The following MAP4K4 variants were observed in gnomAD, a reference collection of about 807,000 sequenced individuals.
MAP4K4 encodes HPK/GCK-like kinase HGK.
Under a neutral mutation model 189.6 loss-of-function variants are expected in MAP4K4, and 38 were observed. The ratio of observed to expected loss-of-function variants is 0.20; its 90% CI spans 0.15 to 0.26. The LOEUF (loss-of-function observed/expected upper bound fraction) is 0.26, where lower values mean the gene tolerates loss of function less well. Among genes scored for constraint, MAP4K4 ranks in the 10% least tolerant of loss-of-function variants. The pLI is 1.00. For synonymous variants in MAP4K4, 610 were observed against 624.3 expected (o/e 0.98, Z 0.34); for missense variants, 1,054 against 1,726.9 (o/e 0.61, Z 6.91).
intron 2 of MAP4K4, among the ~76,000 whole-genome samples, chr2:101,741,718 T>G (rs978515004): frequency 2.0e-5 from 3 of 152,240 alleles, no homozygotes; most frequent in Non-Finnish European, 2.9e-5. Flanking sequence ...TGAGGACGAC[T>G]GGTTTAGTTT....
chr2:101,766,498 T>G (rs1225207643), intron 2 of MAP4K4, among the ~76,000 whole-genome samples: 2 of 152,152 alleles, frequency 1.3e-5, no homozygotes, highest in Non-Finnish European at 2.9e-5. Flanking sequence ...AAAAGTGACT[T>G]CATGCAATAT....
intron 16 of MAP4K4, 161 bp downstream of exon 16, chr2:101,861,147 T>C: frequency 1.6e-6 from 1 of 610,646 alleles, no homozygotes; most frequent in Non-Finnish European, 2.8e-6. Context: ...ACTCAGTTGA[T>C]AGGGAAATAT....
chr2:101,720,252 C>T (rs1215118096), intron 2 of MAP4K4, among the ~76,000 whole-genome samples: 2 of 149,600 alleles, frequency 1.3e-5, no homozygotes, highest in Non-Finnish European at 3.0e-5. Context: ...CGGCTTGCTG[C>T]AACTTCCACC....
rs13417916 is a variant in MAP4K4, at chr2:101,784,765, A to G, written c.124-5955A>G. ...TATATCTATTAAAATGTTATAGAAT[A>G]GTATACTTGGCAGTTCCTATGTAAG... On this transcript the variant is annotated intron_variant, in intron 2 of 32. Coordinates refer to ENST00000324219, the Ensembl canonical transcript of MAP4K4. Among the ~76,000 whole-genome samples the G allele has an allele frequency of 1.9e-3, 293 of 152,316 alleles. 1 individual carries two copies. The highest frequency in any genetic ancestry group is 6.9e-3 in the African/African-American group (285 of 41,550).
chr2:101,886,664 A>C (rs1184969310), intron 29 of MAP4K4, among the ~76,000 whole-genome samples: 2 of 152,152 alleles, frequency 1.3e-5, no homozygotes, highest in African/African-American at 2.4e-5. Context: ...TTTGTAGAGT[A>C]TTGTTGCCTT....
chr2:101,851,402 G>A (rs998269416), intron 12 of MAP4K4, among the ~76,000 whole-genome samples: 2 of 152,078 alleles, frequency 1.3e-5, no homozygotes, highest in African/African-American at 4.8e-5. Context: ...AAAATTCCCT[G>A]GGCTTTGTTA....
chr2:101,844,355 C>T, intron 12 of MAP4K4, 44 bp downstream of exon 12: 2 of 1,507,952 alleles, frequency 1.3e-6, no homozygotes, highest in Non-Finnish European at 1.8e-6. Context: ...TTTTCTCTTT[C>T]TGCATTTACA....
chr2:101,823,635 A>G (rs1204168380), intron 3 of MAP4K4, among the ~76,000 whole-genome samples: 1 of 152,178 alleles, frequency 6.6e-6, no homozygotes, highest in Non-Finnish European at 1.5e-5. Flanking sequence ...AGTGGAGTGC[A>G]TTGCCCGAGG....
exon 1 of MAP4K4, chr2:101,697,983 C>T: frequency 2.4e-6 from 2 of 836,766 alleles, no homozygotes; most frequent in Non-Finnish European, 3.2e-6. Context: ...GCTCGGCTGC[C>T]GCGCGAGGAG....
intron 20 of MAP4K4, 158 bp from the exon 21 acceptor site, chr2:101,867,871 C>A: frequency 1.4e-6 from 1 of 690,524 alleles, no homozygotes; most frequent in Non-Finnish European, 2.6e-6. Context: ...TAATTGTGCA[C>A]GCTTTGTGGA....
intron 3 of MAP4K4, among the ~76,000 whole-genome samples, chr2:101,799,402 A>C (rs1294125360): frequency 6.6e-6 from 1 of 152,034 alleles, no homozygotes; most frequent in African/African-American, 2.4e-5. Flanking sequence ...CTCCTCAGCC[A>C]CTTACTCAAA....
At chr2:101,783,714 A>G (rs1007203640) in intron 2 of MAP4K4, among the ~76,000 whole-genome samples, 1 of 152,246 alleles carries the variant, frequency 6.6e-6, no homozygotes, top group African/African-American at 2.4e-5. Flanking sequence ...TAAAAAGTCA[A>G]CGAACAAATA....
intron 3 of MAP4K4, among the ~76,000 whole-genome samples, chr2:101,811,203 C>G (rs1408865504): frequency 6.6e-6 from 1 of 151,420 alleles, no homozygotes; most frequent in Non-Finnish European, 1.5e-5. Flanking sequence ...GAAACCCGGT[C>G]TCTACAAAAA....
At chr2:101,732,820 C>T (rs1376910865) in intron 2 of MAP4K4, among the ~76,000 whole-genome samples, 1 of 152,230 alleles carries the variant, frequency 6.6e-6, no homozygotes, top group African/African-American at 2.4e-5. Flanking sequence ...ATCTCTTGAC[C>T]TCGTGATCCG....
At chr2:101,763,077 C>T (rs2077157975) in intron 2 of MAP4K4, among the ~76,000 whole-genome samples, 1 of 152,184 alleles carries the variant, frequency 6.6e-6, no homozygotes, top group Admixed American at 6.5e-5. Flanking sequence ...GACCTCTGCT[C>T]TACTGCTCCT....
intron 2 of MAP4K4, among the ~76,000 whole-genome samples, chr2:101,752,047 C>A (rs1157919393): frequency 1.3e-5 from 2 of 152,142 alleles, no homozygotes; most frequent in Admixed American, 6.6e-5. Flanking sequence ...GCCATGTGAA[C>A]GTCCTCTGGG....
chr2:101,890,442 T>C (rs1032406516), intron 32 of MAP4K4, among the ~76,000 whole-genome samples: 3 of 152,134 alleles, frequency 2.0e-5, no homozygotes, highest in African/African-American at 7.2e-5. Context: ...CCAGAGGTTT[T>C]TGTGGGTTGT....
chr2:101,724,960 T>A (rs2054396417), intron 2 of MAP4K4, among the ~76,000 whole-genome samples: 1 of 152,086 alleles, frequency 6.6e-6, no homozygotes. Context: ...TTATAAATAG[T>A]ACTCAGTATA....
At chr2:101,885,155 C>A in intron 28 of MAP4K4, 32 bp from the exon 29 acceptor site, 2 of 1,288,878 alleles carry the variant, frequency 1.6e-6, no homozygotes, top group Non-Finnish European at 2.2e-6. Flanking sequence ...CTGACCTGTG[C>A]TTCTCTTGCT....
Sources: gnomAD v4.1 joint callset for allele counts (sites outside exome capture counted in the v4.1 genomes callset) on GRCh38, gnomAD v4.1.1 for gene constraint, MANE v1.5 for transcripts, NCBI Gene and HGNC (gene_info 2026-07-23, HGNC 2026-07-21) for gene names.